The following ARHGAP15 variants were observed in gnomAD, a reference collection of about 807,000 sequenced individuals.
ARHGAP15 encodes the protein Rho GTPase activating protein 15.
Under a neutral mutation model 63.7 loss-of-function variants are expected in ARHGAP15, and 51 were observed. The ratio of observed to expected loss-of-function variants is 0.80; its 90% CI spans 0.64 to 1.01. The LOEUF is 1.01. Ranked by LOEUF, ARHGAP15 falls within the 50% of genes least tolerant of loss-of-function variation. The probability of loss-of-function intolerance (pLI) is 0.00; values close to 1 mark genes in which losing one functional copy is unlikely to be tolerated. For synonymous variants in ARHGAP15, 191 were observed against 193.8 expected (o/e 0.99, Z 0.12); for missense variants, 560 against 564.6 (o/e 0.99, Z 0.08).
chr2:143,395,695 T>G (rs1020539540), intron 6 of ARHGAP15, among the ~76,000 whole-genome samples: 56 of 151,888 alleles, frequency 3.7e-4, no homozygotes, highest in African/African-American at 1.3e-3. Flanking sequence ...GGTTTACAGA[T>G]AGAAAAAGTA....
chr2:143,146,634 A>G (rs1000935521), intron 1 of ARHGAP15, among the ~76,000 whole-genome samples: 3 of 152,082 alleles, frequency 2.0e-5, no homozygotes, highest in Non-Finnish European at 2.9e-5. Context: ...CATACACACA[A>G]GCTATTTAAA....
At chr2:143,206,721 C>G (rs1034671923) in intron 3 of ARHGAP15, among the ~76,000 whole-genome samples, 1 of 151,866 alleles carries the variant, frequency 6.6e-6, no homozygotes, top group African/African-American at 2.4e-5. Context: ...CACTGTAGTT[C>G]TCCAATAAAT....
intron 6 of ARHGAP15, among the ~76,000 whole-genome samples, chr2:143,333,615 A>G (rs1684644183): frequency 6.6e-6 from 1 of 152,142 alleles, no homozygotes; most frequent in African/African-American, 2.4e-5. Flanking sequence ...AAAGTGTTCC[A>G]TTTTTATCTG....
intron 11 of ARHGAP15, among the ~76,000 whole-genome samples, chr2:143,620,472 G>A (rs1025308967): frequency 7.9e-5 from 12 of 152,142 alleles, no homozygotes; most frequent in African/African-American, 2.7e-4. Flanking sequence ...GCATAGCCTC[G>A]AGTTAGACAT....
chr2:143,717,663 C>G (rs1191125301), intron 13 of ARHGAP15, among the ~76,000 whole-genome samples: 1 of 152,158 alleles, frequency 6.6e-6, no homozygotes, highest in East Asian at 1.9e-4. Context: ...GGTCTGTACA[C>G]AAGACATGAA....
At chr2:143,429,649 A>T (rs7574379) in intron 6 of ARHGAP15, among the ~76,000 whole-genome samples, 135,252 of 152,052 alleles carry the variant, frequency 0.89, 60,527 homozygotes, top group Middle Eastern at 0.97. Flanking sequence ...GAAACTAATG[A>T]ACGCACATTT....
At chr2:143,390,632 T>C (rs1209256626) in intron 6 of ARHGAP15, among the ~76,000 whole-genome samples, 1 of 152,006 alleles carries the variant, frequency 6.6e-6, no homozygotes, top group African/African-American at 2.4e-5. Context: ...TCTCCCTCTT[T>C]AGCCCCAACT....
chr2:143,637,205 T>A (rs1319715752), intron 12 of ARHGAP15, among the ~76,000 whole-genome samples: 1 of 152,132 alleles, frequency 6.6e-6, no homozygotes, highest in African/African-American at 2.4e-5. Flanking sequence ...AAATCATACT[T>A]CAGTGGACCG....
chr2:143,291,148 C>T (rs1235361260), intron 6 of ARHGAP15, among the ~76,000 whole-genome samples: 1 of 152,002 alleles, frequency 6.6e-6, no homozygotes, highest in Non-Finnish European at 1.5e-5. Context: ...TTTGAAAGTC[C>T]AGGTGATTTA....
At chr2:143,393,595 G>C (rs918343949) in intron 6 of ARHGAP15, among the ~76,000 whole-genome samples, 1 of 151,940 alleles carries the variant, frequency 6.6e-6, no homozygotes, top group South Asian at 2.1e-4. Context: ...GCCAGGCCTG[G>C]TGCTGCGCAC....
intron 2 of ARHGAP15, among the ~76,000 whole-genome samples, chr2:143,189,813 A>G (rs557868471): frequency 1.3e-5 from 2 of 152,028 alleles, no homozygotes; most frequent in African/African-American, 4.8e-5. Context: ...TTTTTGGGTT[A>G]GCTATTTTTT....
chr2:143,722,008 T>C (rs1685082117), intron 13 of ARHGAP15, among the ~76,000 whole-genome samples: 1 of 152,248 alleles, frequency 6.6e-6, no homozygotes, highest in Non-Finnish European at 1.5e-5. Flanking sequence ...TTTACTGCTG[T>C]GCTACCTAGA....
At chr2:143,140,566 C>T (rs1689320925) in intron 1 of ARHGAP15, among the ~76,000 whole-genome samples, 1 of 152,050 alleles carries the variant, frequency 6.6e-6, no homozygotes, top group Admixed American at 6.6e-5. Context: ...GTCCACAAGA[C>T]AGATCTACTA....
intron 11 of ARHGAP15, among the ~76,000 whole-genome samples, chr2:143,607,278 C>G (rs963193456): frequency 1.8e-4 from 27 of 152,150 alleles, no homozygotes; most frequent in Non-Finnish European, 4.4e-5. Context: ...AACCTCAGCT[C>G]TCACTTCTTT....
intron 6 of ARHGAP15, chr2:143,314,483 C>G (rs1433046848): frequency 6.6e-6 from 1 of 152,144 alleles, no homozygotes; most frequent in African/African-American, 2.4e-5. Context: ...AGCACATTAT[C>G]CCACAGGATT....
At chr2:143,420,299 A>G (rs1320461500) in intron 6 of ARHGAP15, among the ~76,000 whole-genome samples, 1 of 152,184 alleles carries the variant, frequency 6.6e-6, no homozygotes, top group Non-Finnish European at 1.5e-5. Flanking sequence ...GAAAGGGATG[A>G]ACAGAAGATG....
chr2:143,475,859 A>G (rs113362762), intron 8 of ARHGAP15, among the ~76,000 whole-genome samples: 5 of 152,246 alleles, frequency 3.3e-5, no homozygotes, highest in African/African-American at 1.2e-4. Context: ...GGGATGATAC[A>G]TTTTTCTTGA....
At position 143,496,667 on chromosome 2, in the gene ARHGAP15, T is replaced by C. The variant is rs542685114; in HGVS notation, c.826+9172T>C. On this transcript the variant is annotated intron_variant, in intron 9 of 13. Transcript: ENST00000295095. ...CATTCTCCTTTTAGTTCCTTTAAAT[T>C]ACATTTCTTTCACATTAAATCAAGT... Among the ~76,000 whole-genome samples the C allele has an allele frequency of 1.6e-4, 25 of 152,342 alleles. No individual in the cohort carries two copies. In the South Asian group the frequency reaches 5.0e-3, roughly 30 times the overall value.
chr2:143,504,213 G>T (rs1456507385), intron 9 of ARHGAP15, among the ~76,000 whole-genome samples: 2 of 152,122 alleles, frequency 1.3e-5, no homozygotes, highest in Non-Finnish European at 2.9e-5. Context: ...TTAGGAGTTT[G>T]TATTCTACTT....
Sources: gnomAD v4.1 joint callset for allele counts (sites outside exome capture counted in the v4.1 genomes callset) on GRCh38, gnomAD v4.1.1 for gene constraint, MANE v1.5 for transcripts, NCBI Gene and HGNC (gene_info 2026-07-23, HGNC 2026-07-21) for gene names.